The following SOX5 variants were observed in gnomAD, a reference collection of about 807,000 sequenced individuals.
The protein encoded by SOX5 is SRY-box transcription factor 5.
SOX5 carries 9 observed loss-of-function variants against 92.0 expected under a neutral mutation model. That is an observed-to-expected ratio of 0.10 (90% confidence interval 0.06 to 0.17). The LOEUF is 0.17. Among genes scored for constraint, SOX5 ranks in the 10% least tolerant of loss-of-function variants. SOX5 has a pLI of 1.00. For missense variants in SOX5, 642 were observed against 944.5 expected (o/e 0.68, Z 4.20); for synonymous variants, 344 against 336.3 (o/e 1.02, Z -0.25).
chr12:24,158,991 A>G (rs1952481714), intron 4 of SOX5, among the ~76,000 whole-genome samples: 1 of 151,984 alleles, frequency 6.6e-6, no homozygotes, highest in African/African-American at 2.4e-5. Context: ...ATTACTTCGA[A>G]TAGTAGCCTA....
intron 2 of SOX5, among the ~76,000 whole-genome samples, chr12:24,284,616 T>G (rs1450767610): frequency 6.6e-6 from 1 of 152,214 alleles, no homozygotes; most frequent in African/African-American, 2.4e-5. Flanking sequence ...CCTGGCTTCC[T>G]GCCTCAGGCA....
chr12:23,846,708 T>C (rs1326723240), intron 2 of SOX5, among the ~76,000 whole-genome samples: 1 of 152,178 alleles, frequency 6.6e-6, no homozygotes, highest in Non-Finnish European at 1.5e-5. Flanking sequence ...AATACTCTAA[T>C]AAAGTTTTAG....
At chr12:23,670,837 G>A (rs2084660653) in intron 6 of SOX5, among the ~76,000 whole-genome samples, 1 of 152,056 alleles carries the variant, frequency 6.6e-6, no homozygotes, top group Non-Finnish European at 1.5e-5. Context: ...AGTGATAGAA[G>A]ATGCCAAGAC....
At chr12:24,370,678 G>A (rs765491801) in intron 1 of SOX5, among the ~76,000 whole-genome samples, 2 of 152,032 alleles carry the variant, frequency 1.3e-5, no homozygotes, top group South Asian at 4.2e-4. Context: ...TGTAGTCCCA[G>A]CTACTCGGGA....
intron 2 of SOX5, among the ~76,000 whole-genome samples, chr12:24,287,279 A>G (rs111446415): frequency 0.018 from 2,691 of 152,352 alleles, 74 homozygotes; most frequent in African/African-American, 0.061. Context: ...GTAACATCAG[A>G]AAATAAGTCA....
intron 4 of SOX5, among the ~76,000 whole-genome samples, chr12:24,077,265 C>G (rs758097715): frequency 6.6e-6 from 1 of 152,006 alleles, no homozygotes; most frequent in Admixed American, 6.6e-5. Flanking sequence ...GTGCTTTCCC[C>G]GACACACCAC....
chr12:23,610,193 T>C (rs1020171495), intron 8 of SOX5, among the ~76,000 whole-genome samples: 2 of 152,048 alleles, frequency 1.3e-5, no homozygotes, highest in African/African-American at 4.8e-5. Context: ...GTGTGAGGAG[T>C]AGAGAAATTC....
rs114777836 is a variant in SOX5, at chr12:24,320,991, A to G, written c.-173-43679T>C. ...AGATTCTTCAGATTCTAAATTCCCT[A>G]CATAGAGTAGCATCTGTAGGTTGTG... On this transcript the variant is annotated intron_variant, in intron 2 of 4. Coordinates refer to the SOX5 transcript ENST00000446891. 2.4e-3 allele frequency among the ~76,000 whole-genome samples: 362 copies of G among 152,278 alleles called. 2 individuals are homozygous for G. Among genetic ancestry groups the G allele is most frequent in the African/African-American group, 8.4e-3 (350 of 41,542 alleles).
intron 12 of SOX5, among the ~76,000 whole-genome samples, chr12:23,544,762 A>G (rs1033416993): frequency 6.6e-6 from 1 of 152,220 alleles, no homozygotes; most frequent in African/African-American, 2.4e-5. Context: ...TGCTAATACA[A>G]CTTAAAATTT....
At chr12:24,314,157 A>G (rs1949476425) in intron 2 of SOX5, among the ~76,000 whole-genome samples, 1 of 152,104 alleles carries the variant, frequency 6.6e-6, no homozygotes, top group East Asian at 1.9e-4. Context: ...CCATTCCTTG[A>G]CCAAAACCTG....
At chr12:24,091,935 T>C (rs1323004545) in intron 4 of SOX5, among the ~76,000 whole-genome samples, 1 of 152,162 alleles carries the variant, frequency 6.6e-6, no homozygotes, top group Non-Finnish European at 1.5e-5. Flanking sequence ...AATTAGACTA[T>C]TAACTCTTTC....
chr12:24,138,324 TTC>T (rs1257360178), intron 4 of SOX5, among the ~76,000 whole-genome samples: 1 of 152,136 alleles, frequency 6.6e-6, no homozygotes, highest in African/African-American at 2.4e-5. Context: ...TCTGCGAATA[TTC>T]TCTTACATCG....
chr12:24,445,849 T>A (rs1453942289), intron 1 of SOX5, among the ~76,000 whole-genome samples: 1 of 152,170 alleles, frequency 6.6e-6, no homozygotes, highest in Non-Finnish European at 1.5e-5. Context: ...AAGCAAGTAT[T>A]GATGGGAACA....
At chr12:23,603,468 T>TA (rs1566226414) in intron 9 of SOX5, among the ~76,000 whole-genome samples, 2 of 88,488 alleles carry the variant, frequency 2.3e-5, no homozygotes, top group East Asian at 8.6e-4. Flanking sequence ...ATATATATAT[T>TA]TTGCTGGTAA....
intron 9 of SOX5, among the ~76,000 whole-genome samples, chr12:23,595,700 T>C (rs1359688081): frequency 6.8e-6 from 1 of 146,104 alleles, no homozygotes; most frequent in Middle Eastern, 3.6e-3. Flanking sequence ...GAGAACTGAA[T>C]AATGTAATTG....
intron 6 of SOX5, among the ~76,000 whole-genome samples, chr12:23,671,368 C>G (rs1292975353): frequency 6.6e-6 from 1 of 152,184 alleles, no homozygotes; most frequent in East Asian, 1.9e-4. Flanking sequence ...GGGATCAGTT[C>G]ACCTACAGCT....
At chr12:23,540,360 GTATAATAATAATAAT>G (rs2135965452) in intron 13 of SOX5, among the ~76,000 whole-genome samples, 1 of 103,120 alleles carries the variant, frequency 9.7e-6, no homozygotes, top group Non-Finnish European at 2.0e-5. Context: ...AAAACTTAAA[GTATAATAATAATAAT>G]AATAATAATA....
At chr12:24,502,098 T>A (rs1454553448) in intron 1 of SOX5, among the ~76,000 whole-genome samples, 1 of 152,220 alleles carries the variant, frequency 6.6e-6, no homozygotes, top group African/African-American at 2.4e-5. Flanking sequence ...CACGCCAACT[T>A]ATGTATTTAA....
intron 4 of SOX5, among the ~76,000 whole-genome samples, chr12:24,065,424 G>A (rs1181429177): frequency 6.6e-6 from 1 of 152,084 alleles, no homozygotes; most frequent in Admixed American, 6.6e-5. Flanking sequence ...CAAGGTGGGT[G>A]GATCACGAGG....
Sources: gnomAD v4.1 joint callset for allele counts (sites outside exome capture counted in the v4.1 genomes callset) on GRCh38, gnomAD v4.1.1 for gene constraint, MANE v1.5 for transcripts, NCBI Gene and HGNC (gene_info 2026-07-23, HGNC 2026-07-21) for gene names.